SIX4: variants seen among roughly 807,000 people sequenced by gnomAD.
SIX4 encodes the protein homeobox protein SIX4.
A neutral mutation model predicts 51.5 loss-of-function variants in SIX4; 23 were observed. The ratio of observed to expected loss-of-function variants is 0.45; its 90% confidence interval spans 0.32 to 0.63. SIX4 has a LOEUF of 0.63. Among genes scored for constraint, SIX4 ranks in the 30% least tolerant of loss-of-function variants. The pLI, the probability that SIX4 is intolerant of heterozygous loss-of-function variation, is 0.04. For missense variants in SIX4, 867 were observed against 984.0 expected (o/e 0.88, Z 1.59); for synonymous variants, 413 against 417.3 (o/e 0.99, Z 0.13).
At position 60,719,755 on chromosome 14, in the gene SIX4, G is replaced by C. The variant is rs762565364; in HGVS notation, c.1549+5C>G. On this transcript the variant is annotated splice_donor_5th_base_variant and intron_variant, in intron 2 of 2. Transcript: ENST00000216513. The surrounding 1 kb of genome is among the most constrained non-coding windows in gnomAD (Gnocchi z 4.9). ...GTGCATTAAGGTACCAAATGAGATT[G>C]TTACCTTGTGAAGCTGCCACTGACA... 4.3e-6 allele frequency: 7 copies of C among 1,612,944 alleles called. No homozygotes were observed. The highest frequency in any genetic ancestry group is 5.9e-6 in the Non-Finnish European group (7 of 1,179,344).
intron 2 of SIX4, 43 bp from the exon 3 acceptor site, chr14:60,714,246 G>A (rs1311526021): frequency 1.3e-6 from 2 of 1,493,740 alleles, no homozygotes; most frequent in Admixed American, 2.3e-5. Context: ...GGAAGTGAGA[G>A]GGAAAGAAAA....
At chr14:60,721,040 C>T (rs1481342564) in intron 1 of SIX4, 1 of 985,670 alleles carries the variant, frequency 1.0e-6, no homozygotes. Context: ...AGTGGCTGTC[C>T]TTGTTGTAGG....
chr14:60,721,439 C>A (rs1317690971), intron 1 of SIX4, among the ~76,000 whole-genome samples: 1 of 152,182 alleles, frequency 6.6e-6, no homozygotes, highest in East Asian at 1.9e-4. Context: ...CGCTTTCATG[C>A]CGAGGGGAGG....
At position 60,723,885 on chromosome 14, in the gene SIX4, T is replaced by C; in HGVS notation, c.190A>G (p.Arg64Gly). ...EPGDAATAAA[R>G]VSGEEGAVAA... ...ACTGCCCCTTCCTCTCCGCTCACCC[T>C]GGCGGCAGCGGTCGCGGCGTCCCCC... Residue 64 changes from arginine to glycine, a missense_variant, in exon 1 of 3, where the codon AGG (arginine) becomes GGG (glycine). Arg to Gly is a moderately radical substitution (Grantham distance 125). Transcript: ENST00000216513. 6.5e-7 allele frequency: 1 copy of C among 1,531,254 alleles called. No individual in the cohort carries two copies. Among genetic ancestry groups the C allele is most frequent in the Non-Finnish European group, 8.7e-7 (1 of 1,155,156 alleles). 94.9% of individuals were successfully genotyped at this position (1,531,254 alleles called of 1,614,324 possible).
At chr14:60,714,444 T>C (rs1404122261) in intron 2 of SIX4, among the ~76,000 whole-genome samples, 1 of 152,058 alleles carries the variant, frequency 6.6e-6, no homozygotes, top group Admixed American at 6.6e-5. Flanking sequence ...TCCAAGTAAA[T>C]ATATATATAG....
rs759605736 is a variant in SIX4 at position 60,714,105 on chromosome 14, G to T, written c.1648C>A (p.Pro550Thr). Residue 550 changes from proline to threonine, a missense_variant, in exon 3 of 3, where the codon CCC becomes ACC. Coordinates refer to ENST00000216513, the MANE Select transcript of SIX4 (RefSeq NM_017420.5). The part of the protein sequence containing the change: ...QGKVFLSSLA[P>T]SAVVYTVPNT... ...GGAACCGTGTATACCACTGCACTGGGAGCAAGAGAGCTCAAGAAAACCTTT... is the reference window on the plus strand; with the variant it reads ...GGAACCGTGTATACCACTGCACTGGTAGCAAGAGAGCTCAAGAAAACCTTT... 1.9e-6 allele frequency: 3 copies of T among 1,613,920 alleles called. No individual in the cohort carries two copies. The highest frequency in any genetic ancestry group is 3.3e-5 in the Admixed American group (2 of 59,994).
intron 2 of SIX4, among the ~76,000 whole-genome samples, chr14:60,714,866 A>T (rs1895893183): frequency 6.6e-6 from 1 of 150,954 alleles, no homozygotes; most frequent in African/African-American, 2.4e-5. Flanking sequence ...GGGTTTCACC[A>T]TGTTGGCCAG....
rs979782796 is a variant in SIX4, at chr14:60,722,021, C to A, written c.863+1191G>T. ...CACAGGGGCCCAGAAGCGGCAAGGG[C>A]GGGCTGAGACCGGCTCTGGAATGCG... On this transcript the variant is annotated intron_variant, in intron 1 of 2. Coordinates refer to ENST00000216513, the MANE Select transcript of SIX4 (RefSeq NM_017420.5). The surrounding 1 kb of genome is among the most constrained non-coding windows in gnomAD (Gnocchi z 5.9). Among the ~76,000 whole-genome samples the A allele has an allele frequency of 6.6e-6, 1 of 152,324 alleles. No homozygotes were observed. The highest frequency in any genetic ancestry group is 1.5e-5 in the Non-Finnish European group (1 of 68,020).
chr14:60,720,254 C>T lies in SIX4; in HGVS notation c.1055G>A (p.Gly352Glu), dbSNP rs1285644552. 6.2e-7 allele frequency: 1 copy of T among 1,614,086 alleles called. No homozygotes were observed. The highest frequency in any genetic ancestry group is 1.3e-5 in the African/African-American group (1 of 74,932). Reference protein sequence around the residue: ...SLSSSGVLLNGSLVPASTSPV... With the variant: ...SLSSSGVLLNESLVPASTSPV... Reference sequence around the variant, plus strand: ...TGAAGTACTTGCAGGTACCAAGCTTCCATTCAACAGAACTCCAGAAGAGCT... The same window carrying T: ...TGAAGTACTTGCAGGTACCAAGCTTTCATTCAACAGAACTCCAGAAGAGCT... The change falls in exon 2 of 3, where the codon GGA (glycine) becomes GAA (glutamate). Residue 352 changes from glycine (G) to glutamate (E), a missense_variant. Physicochemically the swap from Gly to Glu is moderately conservative, Grantham distance 98. Coordinates refer to ENST00000216513, the MANE Select transcript of SIX4 (RefSeq NM_017420.5). This position sits in a 1 kb window ranked among gnomAD's most constrained non-coding sequence, Gnocchi z 5.5.
chr14:60,719,632 C>G lies in SIX4; in HGVS notation c.1549+128G>C. Reference sequence around the variant, plus strand: ...AGAGGAGAATCACATCAAGGCTACTCTACAGCTTCGGCAGCTAATAAGGTA... The same window carrying G: ...AGAGGAGAATCACATCAAGGCTACTGTACAGCTTCGGCAGCTAATAAGGTA... On this transcript the variant is annotated intron_variant, in intron 2 of 2. Coordinates refer to ENST00000216513, the MANE Select transcript of SIX4 (RefSeq NM_017420.5). The surrounding 1 kb of genome is among the most constrained non-coding windows in gnomAD (Gnocchi z 4.9). 4.3e-6 allele frequency: 4 copies of G among 936,170 alleles called. No individual in the cohort carries two copies. Among genetic ancestry groups the G allele is most frequent in the South Asian group, 3.4e-5 (2 of 58,404 alleles). The allele number at this position is 936,170 out of a possible 1,614,324, so 58.0% of individuals were successfully genotyped here. A position where few individuals can be genotyped will look rare whatever the true frequency, so the allele number is the denominator to read the frequency against.
intron 1 of SIX4, among the ~76,000 whole-genome samples, chr14:60,721,385 C>A (rs968663554): frequency 1.3e-5 from 2 of 152,212 alleles, no homozygotes; most frequent in Non-Finnish European, 2.9e-5. Context: ...CAGGACTTGG[C>A]CCAGCAGAGG....
Position 60,712,441 on chromosome 14 carries a change from A to G in SIX4, c.*966T>C, listed in dbSNP as rs1895840680. 6.5e-6 allele frequency: 1 copy of G among 152,762 alleles called. No homozygotes were observed. Among genetic ancestry groups the G allele is most frequent in the African/African-American group, 2.4e-5 (1 of 41,580 alleles). 9.5% of individuals were successfully genotyped at this position (152,762 alleles called of 1,614,324 possible). On this transcript the variant is annotated 3_prime_UTR_variant, in exon 3 of 3. Coordinates refer to ENST00000216513, the MANE Select transcript of SIX4 (RefSeq NM_017420.5). Reference sequence around the variant, plus strand: ...TAAAAAGGCACATAGAATTCTATAAAAAACATATTTAAATGAATCAGAGTT... The same window carrying G: ...TAAAAAGGCACATAGAATTCTATAAGAAACATATTTAAATGAATCAGAGTT...
At position 60,719,211 on chromosome 14, in the gene SIX4, T is replaced by C. The variant is rs764660091; in HGVS notation, c.1549+549A>G. ...GGGGGTTAGTATATATGCTGAGCGA[T>C]AGAAATCCAATGGCATATTCCTCTG... On this transcript the variant is annotated intron_variant, in intron 2 of 2. Coordinates refer to ENST00000216513, the MANE Select transcript of SIX4 (RefSeq NM_017420.5). The surrounding 1 kb of genome is among the most constrained non-coding windows in gnomAD (Gnocchi z 4.9). 6.6e-6 allele frequency among the ~76,000 whole-genome samples: 1 copy of C among 152,224 alleles called. No homozygotes were observed. The highest frequency in any genetic ancestry group is 6.5e-5 in the Admixed American group (1 of 15,282).
rs764404433 is a variant in SIX4, at chr14:60,720,061, C to T, written c.1248G>A (p.Gln416=). 2.5e-6 allele frequency: 4 copies of T among 1,614,188 alleles called. No individual in the cohort carries two copies. The highest frequency in any genetic ancestry group is 2.2e-5 in the East Asian group (1 of 44,882). The change falls in exon 2 of 3, where the codon CAG becomes CAA. Residue 416 remains glutamine (Q), a synonymous_variant. Coordinates refer to ENST00000216513, the MANE Select transcript of SIX4 (RefSeq NM_017420.5). The surrounding 1 kb of genome is among the most constrained non-coding windows in gnomAD (Gnocchi z 5.5). Reference sequence around the variant, plus strand: ...GGAGGACTTTGAATTCCTTCACGTCCTGGGAAGTAGACCCCAGTATGTCAG... The same window carrying T: ...GGAGGACTTTGAATTCCTTCACGTCTTGGGAAGTAGACCCCAGTATGTCAG... The part of the protein sequence containing the change: ...SMTDILGSTS[Q]DVKEFKVLQS...
At position 60,724,189 on chromosome 14, in the gene SIX4, C is replaced by G; in HGVS notation, c.-115G>C. 2 of 1,577,558 alleles carry G rather than the reference C, an allele frequency of 1.3e-6. No individual in the cohort carries two copies. The highest frequency in any genetic ancestry group is 1.7e-6 in the Non-Finnish European group (2 of 1,167,734). ...CTCCCTCCTCTCCCCCTCCGGAAAG[C>G]CCACTCCCTCCCTCCTGGTTTCGGC... is the stretch of plus-strand genomic sequence containing the variant. On this transcript the variant is annotated 5_prime_UTR_variant, in exon 1 of 3. Coordinates refer to ENST00000216513, the MANE Select transcript of SIX4 (RefSeq NM_017420.5).
In SIX4 at chr14:60,720,370, G is replaced by A; in HGVS notation, c.939C>T (p.Ser313=). 2 of 1,614,200 alleles carry A rather than the reference G, an allele frequency of 1.2e-6. No homozygotes were observed. Among genetic ancestry groups the A allele is most frequent in the Non-Finnish European group, 1.7e-6 (2 of 1,180,036 alleles). Residue 313 remains serine, a synonymous_variant, in exon 2 of 3, where the codon TCC becomes TCT. Coordinates refer to ENST00000216513, the MANE Select transcript of SIX4 (RefSeq NM_017420.5). The surrounding 1 kb of genome is among the most constrained non-coding windows in gnomAD (Gnocchi z 5.5). The part of the protein sequence containing the change: ...GHEDLSPHPL[S]SSSDGITNLS... ...GGTTGGTGATGCCATCAGATGAACT[G>A]GAGAGTGGGTGAGGAGATAAATCCT...
intron 2 of SIX4, among the ~76,000 whole-genome samples, chr14:60,718,584 C>T (rs1895962338): frequency 6.6e-6 from 1 of 152,124 alleles, no homozygotes; most frequent in African/African-American, 2.4e-5. Flanking sequence ...CTTTGGCTTT[C>T]CCTGTGGTTT....
chr14:60,720,212 C>A lies in SIX4; in HGVS notation c.1097G>T (p.Gly366Val). 6.2e-7 allele frequency: 1 copy of A among 1,614,206 alleles called. No homozygotes were observed. The highest frequency in any genetic ancestry group is 1.1e-5 in the South Asian group (1 of 91,082). ...PASTSPVFLNGNSFIQGPSGV... is the reference protein window; with the variant it reads ...PASTSPVFLNVNSFIQGPSGV... ...ACTGGGTCCCTGAATAAAAGAATTTCCATTAAGGAAGACAGGTGAAGTACT... is the reference window on the plus strand; with the variant it reads ...ACTGGGTCCCTGAATAAAAGAATTTACATTAAGGAAGACAGGTGAAGTACT... Residue 366 changes from glycine (G) to valine (V), a missense_variant, in exon 2 of 3, where the codon GGA (glycine) becomes GTA (valine). Coordinates refer to ENST00000216513, the MANE Select transcript of SIX4 (RefSeq NM_017420.5). The surrounding 1 kb of genome is among the most constrained non-coding windows in gnomAD (Gnocchi z 5.5).
chr14:60,714,093 C>T lies in SIX4; in HGVS notation c.1660G>A (p.Val554Ile). 1 of 1,614,100 alleles carries T rather than the reference C, an allele frequency of 6.2e-7. No individual in the cohort carries two copies. The highest frequency in any genetic ancestry group is 8.5e-7 in the Non-Finnish European group (1 of 1,180,032). The change falls in exon 3 of 3, where the codon GTA becomes ATA. Residue 554 changes from valine (V) to isoleucine (I), a missense_variant. Physicochemically the swap from Val to Ile is conservative, Grantham distance 29. Coordinates refer to ENST00000216513, the MANE Select transcript of SIX4 (RefSeq NM_017420.5). ...FLSSLAPSAV[V>I]YTVPNTGQTI... The stretch of plus-strand genomic sequence containing the variant: ...TGGCCTGTATTAGGAACCGTGTATA[C>T]CACTGCACTGGGAGCAAGAGAGCTC...
Sources: allele counts gnomAD v4.1 joint callset (sites outside exome capture counted in the v4.1 genomes callset), GRCh38; gene constraint gnomAD v4.1.1; non-coding constraint Gnocchi (gnomAD v3.1); transcripts MANE v1.5; gene names NCBI Gene and HGNC (gene_info 2026-07-23, HGNC 2026-07-21).